The following FARS2 variants were observed in gnomAD, a reference collection of about 807,000 sequenced individuals.
FARS2 encodes phenylalanyl-tRNA synthetase 2, mitochondrial.
FARS2 carries 40 observed loss-of-function variants against 46.4 expected under a neutral mutation model. The observed-to-expected ratio is 0.86, with a 90% CI of 0.67 to 1.12. The LOEUF (loss-of-function observed/expected upper bound fraction) is 1.12, where lower values mean the gene tolerates loss of function less well. FARS2 is among the 50% of genes most tolerant of loss of function. The pLI, the probability that FARS2 is intolerant of heterozygous loss-of-function variation, is 0.00. For missense variants in FARS2, 513 were observed against 567.9 expected, an observed-to-expected ratio of 0.90 and a Z score of 0.98; for synonymous variants, 234 against 214.9, an observed-to-expected ratio of 1.09 and a Z score of -0.78.
At position 5,592,937 on chromosome 6, in the gene FARS2, G is replaced by A. The variant is rs545260383; in HGVS notation, c.1066-20232G>A. Among the ~76,000 whole-genome samples, 54 of 152,284 alleles carry A rather than the reference G, an allele frequency of 3.5e-4. 1 individual carries two copies. Among genetic ancestry groups the A allele is most frequent in the Admixed American group, 2.0e-3 (31 of 15,298 alleles). On this transcript the variant is annotated intron_variant, in intron 5 of 6. Coordinates refer to ENST00000274680, the MANE Select transcript of FARS2 (RefSeq NM_006567.5). ...CATCCATCACACTGGGCCACACAGC[G>A]CCTGGTCACAACCTGCTTGCAGCCC...
intron 2 of FARS2, among the ~76,000 whole-genome samples, chr6:5,396,303 A>G (rs1760897814): frequency 6.6e-6 from 1 of 152,158 alleles, no homozygotes; most frequent in Admixed American, 6.5e-5. Flanking sequence ...ATATTGTTAG[A>G]GTTGTGTTTA....
chr6:5,423,434 G>A (rs1477247422), intron 3 of FARS2, among the ~76,000 whole-genome samples: 1 of 152,116 alleles, frequency 6.6e-6, no homozygotes, highest in Non-Finnish European at 1.5e-5. Flanking sequence ...AAGGATCCCT[G>A]TGTAGAGGAG....
chr6:5,395,926 A>G (rs920624353), intron 2 of FARS2, among the ~76,000 whole-genome samples: 1 of 152,258 alleles, frequency 6.6e-6, no homozygotes, highest in Non-Finnish European at 1.5e-5. Context: ...CCTAGTGGTG[A>G]TAAATGTTTT....
intron 1 of FARS2, among the ~76,000 whole-genome samples, chr6:5,323,655 G>A (rs73718068): frequency 0.015 from 2,357 of 152,254 alleles, 54 homozygotes; most frequent in African/African-American, 0.053. Flanking sequence ...ACCCAGTGGC[G>A]GAAGGACTCA....
intron 6 of FARS2, among the ~76,000 whole-genome samples, chr6:5,686,952 G>C (rs1487824674): frequency 2.0e-5 from 3 of 152,248 alleles, no homozygotes; most frequent in Non-Finnish European, 4.4e-5. Context: ...CTGATGGCCA[G>C]TGATGATGAG....
chr6:5,617,359 A>G (rs1367462939), intron 6 of FARS2, among the ~76,000 whole-genome samples: 2 of 152,214 alleles, frequency 1.3e-5, no homozygotes, highest in Non-Finnish European at 1.5e-5. Context: ...TTTTGGAGCT[A>G]TGCCAAAGGG....
At chr6:5,283,066 G>A (rs764784628) in intron 1 of FARS2, among the ~76,000 whole-genome samples, 3 of 151,680 alleles carry the variant, frequency 2.0e-5, no homozygotes, top group Admixed American at 6.6e-5. Flanking sequence ...GTGAAACCCT[G>A]TCTCGACTAA....
chr6:5,746,592 G>A (rs137964218), intron 6 of FARS2, among the ~76,000 whole-genome samples: 163 of 151,584 alleles, frequency 1.1e-3, no homozygotes, highest in African/African-American at 3.8e-3. Flanking sequence ...CCTCCAGGTG[G>A]CAGCAGGATT....
At chr6:5,567,978 T>C (rs188490421) in intron 5 of FARS2, among the ~76,000 whole-genome samples, 18 of 152,334 alleles carry the variant, frequency 1.2e-4, no homozygotes, top group Non-Finnish European at 2.1e-4. Flanking sequence ...TCAGATTGCA[T>C]TGTTACTCCT....
At chr6:5,550,048 G>T (rs369230256) in intron 5 of FARS2, among the ~76,000 whole-genome samples, 2 of 152,164 alleles carry the variant, frequency 1.3e-5, no homozygotes, top group Non-Finnish European at 2.9e-5. Flanking sequence ...CACCTGAAGC[G>T]AGGTACCTAC....
At chr6:5,455,491 A>C (rs895113150) in intron 4 of FARS2, among the ~76,000 whole-genome samples, 3 of 152,226 alleles carry the variant, frequency 2.0e-5, no homozygotes, top group Non-Finnish European at 4.4e-5. Flanking sequence ...TTGTAAATGC[A>C]CAGAGAGAGA....
intron 4 of FARS2, among the ~76,000 whole-genome samples, chr6:5,503,453 G>C (rs142884620): frequency 1.8e-3 from 273 of 149,336 alleles, no homozygotes; most frequent in Admixed American, 3.3e-3. Flanking sequence ...TGAGATGATG[G>C]CTATATTAAT....
upstream of FARS2, chr6:5,261,000 CG>C: frequency 9.3e-7 from 1 of 1,080,696 alleles, no homozygotes; most frequent in Non-Finnish European, 1.1e-6. Flanking sequence ...CGCCCCGCCC[CG>C]ATCCCGCCCC....
At chr6:5,720,263 C>T (rs1210243674) in intron 6 of FARS2, among the ~76,000 whole-genome samples, 1 of 152,190 alleles carries the variant, frequency 6.6e-6, no homozygotes, top group African/African-American at 2.4e-5. Context: ...CTGAGGGTAA[C>T]TTCTGAGTTC....
chr6:5,701,195 AGTC>A (rs1758412190), intron 6 of FARS2, among the ~76,000 whole-genome samples: 1 of 152,254 alleles, frequency 6.6e-6, no homozygotes, highest in Non-Finnish European at 1.5e-5. Flanking sequence ...GGATCCGCTA[AGTC>A]GTCGGGATTA....
intron 6 of FARS2, among the ~76,000 whole-genome samples, chr6:5,671,349 T>A (rs1388330705): frequency 6.6e-6 from 1 of 152,154 alleles, no homozygotes; most frequent in Non-Finnish European, 1.5e-5. Flanking sequence ...ATGGGTTTGT[T>A]CATGAAAGTG....
rs114295189 is a variant in FARS2 at position 5,491,367 on chromosome 6, A to G, written c.905-53813A>G. Among the ~76,000 whole-genome samples, 390 of 152,316 alleles carry G rather than the reference A, an allele frequency of 2.6e-3. 3 individuals are homozygous for G. The highest frequency in any genetic ancestry group is 9.0e-3 in the African/African-American group (372 of 41,558). On this transcript the variant is annotated intron_variant, in intron 4 of 6. Coordinates refer to ENST00000274680, the MANE Select transcript of FARS2 (RefSeq NM_006567.5). ...AGAATCCTTACCAGATGCAGCTACC[A>G]TAATTGTTGCTGTGCAGAATTAAGT...
chr6:5,420,789 G>A (rs1158725293), intron 3 of FARS2, among the ~76,000 whole-genome samples: 3 of 152,046 alleles, frequency 2.0e-5, no homozygotes, highest in Non-Finnish European at 4.4e-5. Flanking sequence ...CTTCCTTCTG[G>A]CACCGTCATG....
At chr6:5,432,673 C>A (rs892917772) in intron 4 of FARS2, among the ~76,000 whole-genome samples, 1 of 150,974 alleles carries the variant, frequency 6.6e-6, no homozygotes, top group African/African-American at 2.4e-5. Flanking sequence ...GGCTCTGCTC[C>A]CTTAGAAGGA....
Sources: allele counts gnomAD v4.1 joint callset (sites outside exome capture counted in the v4.1 genomes callset), GRCh38; gene constraint gnomAD v4.1.1; transcripts MANE v1.5; gene names NCBI Gene and HGNC (gene_info 2026-07-23, HGNC 2026-07-21).